Variants in CHM observed in about 807,000 individuals in gnomAD.
The protein encoded by CHM is rab proteins geranylgeranyltransferase component A 1.
CHM carries 10 observed loss-of-function variants against 49.0 expected under a neutral mutation model. That is an observed-to-expected ratio of 0.20 (90% confidence interval 0.13 to 0.35). The LOEUF is 0.35. CHM is among the 10% of genes least tolerant of loss of function. The pLI is 1.00. For synonymous variants in CHM, 184 were observed against 167.5 expected, an observed-to-expected ratio of 1.10 and a Z score of -0.76; for missense variants, 455 against 478.4, an observed-to-expected ratio of 0.95 and a Z score of 0.46.
intron 2 of CHM, among the ~76,000 whole-genome samples, chrX:85,995,874 T>C (rs1932414500): frequency 1.8e-5 from 2 of 111,296 alleles, no homozygotes; most frequent in African/African-American, 6.5e-5. Flanking sequence ...GTCTTCAACA[T>C]GGGGGAAAAA....
chrX:85,918,582 G>A (rs1055241220), intron 8 of CHM, among the ~76,000 whole-genome samples: 1 of 111,176 alleles, frequency 9.0e-6, no homozygotes, highest in Non-Finnish European at 1.9e-5. Flanking sequence ...CAAGATAAAC[G>A]TCCCACTTAA....
At chrX:85,958,210 T>A (rs973751086) in intron 6 of CHM, among the ~76,000 whole-genome samples, 1 of 112,275 alleles carries the variant, frequency 8.9e-6, no homozygotes. Context: ...GCCAACGGCA[T>A]GTCATCCTAA....
At chrX:86,038,292 T>C (rs993854369) in intron 1 of CHM, among the ~76,000 whole-genome samples, 4 of 111,984 alleles carry the variant, frequency 3.6e-5, no homozygotes, top group Non-Finnish European at 7.5e-5. Context: ...ATCTGATGGC[T>C]TCCTCCGCCC....
At chrX:85,959,099 T>C (rs1355924220) in intron 5 of CHM, 122 bp from the exon 6 acceptor site, 3 of 855,509 alleles carry the variant, frequency 3.5e-6, no homozygotes, top group Non-Finnish European at 4.9e-6. Context: ...CCTATAAATA[T>C]TATAATACAT....
intron 1 of CHM, among the ~76,000 whole-genome samples, chrX:86,037,072 C>A (rs189519929): frequency 1.9e-5 from 2 of 107,875 alleles, no homozygotes; most frequent in East Asian, 5.8e-4. Context: ...AAGACCTTAT[C>A]CTTGCCAGGA....
At chrX:85,975,724 A>G (rs983692973) in intron 4 of CHM, among the ~76,000 whole-genome samples, 3 of 112,278 alleles carry the variant, frequency 2.7e-5, no homozygotes, top group Non-Finnish European at 3.8e-5. Flanking sequence ...TGGTGATAGA[A>G]CTGTTCTGCT....
At chrX:85,973,839 C>T (rs980852493) in intron 4 of CHM, among the ~76,000 whole-genome samples, 1 of 112,120 alleles carries the variant, frequency 8.9e-6, no homozygotes, top group Non-Finnish European at 1.9e-5. Flanking sequence ...CACAATTAAC[C>T]TGTTGCCATA....
intron 8 of CHM, among the ~76,000 whole-genome samples, chrX:85,920,139 A>G (rs1370622988): frequency 2.8e-5 from 3 of 108,149 alleles, no homozygotes; most frequent in Non-Finnish European, 5.7e-5. Flanking sequence ...TCTGTCGCCC[A>G]GGCTGGAGTG....
At chrX:85,865,380 C>A (rs1211676824) in intron 14 of CHM, among the ~76,000 whole-genome samples, 1 of 111,730 alleles carries the variant, frequency 9.0e-6, no homozygotes, top group Non-Finnish European at 1.9e-5. Context: ...TCCCCTTCAC[C>A]CTCTGCTATG....
intron 2 of CHM, among the ~76,000 whole-genome samples, chrX:85,983,201 C>T (rs752209390): frequency 1.8e-5 from 2 of 110,660 alleles, no homozygotes; most frequent in East Asian, 2.8e-4. Context: ...TAGATCATAT[C>T]GTACTTACAT....
chrX:85,904,827 A>G (rs185121989), intron 9 of CHM, among the ~76,000 whole-genome samples: 2 of 111,901 alleles, frequency 1.8e-5, no homozygotes, highest in East Asian at 5.6e-4. Flanking sequence ...ACTTCTGTTA[A>G]GTTCTGTATC....
At chrX:85,904,624 TGAA>T (rs1271153708) in intron 9 of CHM, among the ~76,000 whole-genome samples, 1 of 112,027 alleles carries the variant, frequency 8.9e-6, no homozygotes, top group African/African-American at 3.2e-5. Flanking sequence ...TCTCAATCAC[TGAA>T]GAAAACAAAA....
Position 86,046,796 on chromosome X carries a change from AGGTCACACAC to A in CHM, c.49+678_49+687del, listed in dbSNP as rs1442144672. 5.7e-4 allele frequency among the ~76,000 whole-genome samples: 64 copies of A among 112,085 alleles called. 1 individual carries two copies. The highest frequency in any genetic ancestry group is 5.7e-3 in the Admixed American group (60 of 10,597). On this transcript the variant is annotated intron_variant, in intron 1 of 14. Coordinates refer to ENST00000357749, the MANE Select transcript of CHM (RefSeq NM_000390.4). ...ACGACGGGAAAACAAGAGTTAGATA[AGGTCACACAC>A]CTGAACTGGAACTCAGGACCTTATT...
chrX:86,021,929 C>T (rs759336936), intron 2 of CHM, among the ~76,000 whole-genome samples: 19 of 111,878 alleles, frequency 1.7e-4, no homozygotes, highest in Non-Finnish European at 2.8e-4. Context: ...ACAAAAAAGA[C>T]AAATATAGTG....
At chrX:86,041,545 A>T (rs1175788000) in intron 1 of CHM, among the ~76,000 whole-genome samples, 6 of 108,919 alleles carry the variant, frequency 5.5e-5, no homozygotes, top group Admixed American at 9.9e-5. Context: ...CAAGCTGGTG[A>T]ACAAAAGAGA....
chrX:85,943,831 T>C (rs1464297230), intron 8 of CHM, among the ~76,000 whole-genome samples: 2 of 112,108 alleles, frequency 1.8e-5, no homozygotes, highest in African/African-American at 3.2e-5. Flanking sequence ...CTTTGTTCAT[T>C]TGTAAAAATT....
chrX:85,926,563 T>G (rs1928092947), intron 8 of CHM, among the ~76,000 whole-genome samples: 2 of 111,032 alleles, frequency 1.8e-5, no homozygotes, highest in Admixed American at 9.7e-5. Flanking sequence ...GCCTGTTTCT[T>G]GAAACTTCAG....
At chrX:86,014,907 A>G (rs913753337) in intron 2 of CHM, among the ~76,000 whole-genome samples, 3 of 111,283 alleles carry the variant, frequency 2.7e-5, no homozygotes, top group African/African-American at 6.5e-5. Context: ...ATCAAACATA[A>G]TAACAATAAG....
chrX:85,958,266 TC>T (rs1930106026), intron 6 of CHM, among the ~76,000 whole-genome samples: 1 of 112,101 alleles, frequency 8.9e-6, no homozygotes, highest in African/African-American at 3.2e-5. Context: ...ACTGTGGTTC[TC>T]CCTATGTACA....
Sources: gnomAD v4.1 joint callset for allele counts (sites outside exome capture counted in the v4.1 genomes callset) on GRCh38, gnomAD v4.1.1 for gene constraint, MANE v1.5 for transcripts, NCBI Gene and HGNC (gene_info 2026-07-23, HGNC 2026-07-21) for gene names.